The following FAT3 variants were observed in gnomAD, a reference collection of about 807,000 sequenced individuals.
FAT3 encodes FAT atypical cadherin 3, also known as protocadherin Fat 3.
In FAT3, 95 loss-of-function variants were observed where a neutral mutation model predicts 310.2. The observed-to-expected ratio is 0.31, with a 90% CI of 0.26 to 0.36. FAT3 has a LOEUF of 0.36. FAT3 is among the 10% of genes least tolerant of loss of function. The probability of loss-of-function intolerance (pLI) is 1.00; values close to 1 mark genes in which losing one functional copy is unlikely to be tolerated. For synonymous variants in FAT3, 2,314 were observed against 2,192.9 expected (o/e 1.06, Z -1.54); for missense variants, 5,408 against 5,715.6 (o/e 0.95, Z 1.74).
At chr11:92,809,313 A>T (rs1565615566) in intron 12 of FAT3, among the ~76,000 whole-genome samples, 1 of 152,184 alleles carries the variant, frequency 6.6e-6, no homozygotes, top group Non-Finnish European at 1.5e-5. Context: ...GGGTCCTTCA[A>T]GACCCTGCCC....
intron 1 of FAT3, among the ~76,000 whole-genome samples, chr11:92,286,384 G>A (rs956209314): frequency 3.9e-5 from 6 of 152,080 alleles, no homozygotes; most frequent in South Asian, 2.1e-4. Flanking sequence ...TGTGAATGCC[G>A]AAGTCCTGGA....
At chr11:92,852,733 T>C (rs1221556228) in intron 19 of FAT3, among the ~76,000 whole-genome samples, 1 of 152,170 alleles carries the variant, frequency 6.6e-6, no homozygotes, top group Non-Finnish European at 1.5e-5. Context: ...TTGAGTATTT[T>C]TTTACACATC....
chr11:92,335,087 A>C (rs1948027805), intron 1 of FAT3, among the ~76,000 whole-genome samples: 1 of 152,140 alleles, frequency 6.6e-6, no homozygotes, highest in Admixed American at 6.5e-5. Context: ...TAGACATGAA[A>C]CCATCTCTGT....
intron 3 of FAT3, among the ~76,000 whole-genome samples, chr11:92,575,540 T>A (rs1468084456): frequency 6.6e-6 from 1 of 152,202 alleles, no homozygotes; most frequent in East Asian, 1.9e-4. Context: ...TTGTTTTGTG[T>A]GTGTGGAGTT....
chr11:92,233,035 C>A (rs1590982370), intron 1 of FAT3, among the ~76,000 whole-genome samples: 1 of 152,158 alleles, frequency 6.6e-6, no homozygotes, highest in East Asian at 1.9e-4. Flanking sequence ...GACTGAAATT[C>A]TTTTTTAATA....
intron 3 of FAT3, among the ~76,000 whole-genome samples, chr11:92,583,662 G>A (rs1252142347): frequency 1.3e-5 from 2 of 151,854 alleles, no homozygotes; most frequent in African/African-American, 2.4e-5. Flanking sequence ...TGCCTCTAAA[G>A]CTCCAAAAGG....
intron 4 of FAT3, among the ~76,000 whole-genome samples, chr11:92,759,707 G>A (rs1946095863): frequency 6.6e-6 from 1 of 152,152 alleles, no homozygotes; most frequent in African/African-American, 2.4e-5. Flanking sequence ...CTTCCCGCCT[G>A]TAGGTAGACA....
chr11:92,797,752 A>T, intron 9 of FAT3, 84 bp from the exon 10 acceptor site: 2 of 1,161,732 alleles, frequency 1.7e-6, no homozygotes, highest in South Asian at 3.0e-5. Flanking sequence ...ACATTGCAGT[A>T]AGGTACCTAT....
chr11:92,301,864 C>T lies in FAT3; in HGVS notation c.-17-50232C>T, dbSNP rs114765100. On this transcript the variant is annotated intron_variant, in intron 1 of 27. Coordinates refer to ENST00000525166, the MANE Select transcript of FAT3 (RefSeq NM_001367949.2). ...GCAACTGTAAGCACAAGAATCCATA[C>T]GATTCCTCACCTCTTTCCAAAGGGC... Among the ~76,000 whole-genome samples the T allele has an allele frequency of 9.3e-4, 142 of 152,128 alleles. No homozygotes were observed. The South Asian group carries it at 0.011, about 11-fold the overall frequency.
intron 3 of FAT3, among the ~76,000 whole-genome samples, chr11:92,614,734 C>T (rs1167913794): frequency 1.3e-5 from 2 of 152,126 alleles, no homozygotes; most frequent in East Asian, 3.9e-4. Flanking sequence ...AATTTATCTT[C>T]TTTCTTTTCT....
At chr11:92,614,446 A>C (rs772743594) in intron 3 of FAT3, among the ~76,000 whole-genome samples, 23 of 152,138 alleles carry the variant, frequency 1.5e-4, no homozygotes, top group Non-Finnish European at 3.4e-4. Flanking sequence ...CCATCCTACT[A>C]TGTTCAATGT....
chr11:92,580,506 T>C (rs1162370867), intron 3 of FAT3, among the ~76,000 whole-genome samples: 2 of 152,238 alleles, frequency 1.3e-5, no homozygotes, highest in East Asian at 3.9e-4. Flanking sequence ...GCTAGTGCCC[T>C]CTTGTTGTCA....
At chr11:92,626,659 T>C (rs1169148026) in intron 3 of FAT3, among the ~76,000 whole-genome samples, 1 of 152,082 alleles carries the variant, frequency 6.6e-6, no homozygotes. Flanking sequence ...TTTGTCTTGA[T>C]GGAGAAATGG....
chr11:92,666,353 A>ATTTTTT (rs35495410), intron 3 of FAT3, among the ~76,000 whole-genome samples: 178 of 140,268 alleles, frequency 1.3e-3, no homozygotes, highest in African/African-American at 4.3e-3. Flanking sequence ...AATTTGAAGG[A>ATTTTTT]TTTTTTTTTT....
chr11:92,844,860 C>A, intron 19 of FAT3, 128 bp downstream of exon 19: 4 of 1,156,676 alleles, frequency 3.5e-6, no homozygotes, highest in Non-Finnish European at 4.7e-6. Context: ...ACTGTGTGCC[C>A]AAAAGCCATG....
chr11:92,306,550 T>C (rs2134440449), intron 1 of FAT3, among the ~76,000 whole-genome samples: 1 of 126,020 alleles, frequency 7.9e-6, no homozygotes, highest in African/African-American at 3.2e-5. Flanking sequence ...ATATTATATA[T>C]GTTATATATA....
intron 6 of FAT3, among the ~76,000 whole-genome samples, chr11:92,771,718 C>T (rs1377179220): frequency 1.3e-5 from 2 of 149,866 alleles, no homozygotes; most frequent in African/African-American, 4.9e-5. Flanking sequence ...TACACATACA[C>T]ATACAAATAC....
chr11:92,851,718 G>A (rs368186785), intron 19 of FAT3, among the ~76,000 whole-genome samples: 3 of 152,056 alleles, frequency 2.0e-5, no homozygotes, highest in Non-Finnish European at 4.4e-5. Context: ...GATGGATGTC[G>A]AAGATGCAGA....
At position 92,354,539 on chromosome 11, in the gene FAT3, A is replaced by T; in HGVS notation, c.2427A>T (p.Pro809=). ...LNITIYDLGN[P]QKSSWRLLTI... ...TCACCATCTATGACTTAGGTAATCC[A>T]CAGAAATCGTCATGGAGACTGCTGA... The change falls in exon 2 of 28, where the codon CCA becomes CCT. Residue 809 remains proline, a synonymous_variant. Transcript: ENST00000525166. 6.2e-7 allele frequency: 1 copy of T among 1,613,850 alleles called. No individual in the cohort carries two copies.
Sources: gnomAD v4.1 joint callset for allele counts (sites outside exome capture counted in the v4.1 genomes callset) on GRCh38, gnomAD v4.1.1 for gene constraint, MANE v1.5 for transcripts, NCBI Gene and HGNC (gene_info 2026-07-23, HGNC 2026-07-21) for gene names.